TBX19: variants seen among roughly 807,000 people sequenced by gnomAD.
The protein encoded by TBX19 is T-box transcription factor 19.
TBX19 carries 33 observed loss-of-function variants against 40.9 expected under a neutral mutation model. The observed-to-expected ratio is 0.81, with a 90% CI of 0.61 to 1.08. The LOEUF (loss-of-function observed/expected upper bound fraction) is 1.08. Ranked by LOEUF, TBX19 falls within the 50% of genes least tolerant of loss-of-function variation. The pLI, the probability that TBX19 is intolerant of heterozygous loss-of-function variation, is 0.00. For missense variants in TBX19, 494 were observed against 574.0 expected (o/e 0.86, Z 1.42); for synonymous variants, 220 against 225.0 (o/e 0.98, Z 0.20).
At chr1:168,282,401 C>T (rs1294190754) in intron 1 of TBX19, among the ~76,000 whole-genome samples, 7 of 152,130 alleles carry the variant, frequency 4.6e-5, no homozygotes, top group Non-Finnish European at 1.0e-4. Context: ...TGTTACATGG[C>T]ATTAAAATGC....
rs1558191079 is a variant in TBX19 at position 168,293,288 on chromosome 1, T to A, written c.603+10T>A. On this transcript the variant is annotated intron_variant, in intron 3 of 7. Transcript: ENST00000367821. ...CTATCAGAATGAGGAGGTAAGAGTG[T>A]GTGTGTGTGTGTGTGTGTGTGTGTG... 7 of 1,293,748 alleles carry A rather than the reference T, an allele frequency of 5.4e-6. No individual in the cohort carries two copies. The highest frequency in any genetic ancestry group is 1.3e-5 in the South Asian group (1 of 76,560). 80.1% of individuals were successfully genotyped at this position (1,293,748 alleles called of 1,614,324 possible).
Position 168,308,843 on chromosome 1 carries a change from C to T in TBX19, c.1018C>T (p.Pro340Ser), listed in dbSNP as rs1319474666. 1.9e-6 allele frequency: 3 copies of T among 1,614,022 alleles called. No individual in the cohort carries two copies. The highest frequency in any genetic ancestry group is 1.1e-5 in the South Asian group (1 of 91,080). Residue 340 changes from proline to serine, a missense_variant, in exon 7 of 8, where the codon CCC (proline) becomes TCC (serine). By Grantham distance (74) the Pro-to-Ser change is moderately conservative. This residue lies in a region of TBX19 where 284 missense variants were observed against 307.3 expected (regional missense o/e 0.92). Transcript: ENST00000367821. ...ACCCCATGCCAGCATCCTGTCTGTA[C>T]CCCACACCAACGGACCAATCAATCC... ...STPHASILSV[P>S]HTNGPINPGP...
rs111697318 is a variant in TBX19, at chr1:168,291,437, C to T, written c.468+13C>T. On this transcript the variant is annotated intron_variant, in intron 2 of 7. Coordinates refer to ENST00000367821, the MANE Select transcript of TBX19 (RefSeq NM_005149.3). ...TGGAGGCGGGCAGGTACGAATGAGG[C>T]GGGCAGGCCTGGCCACCCGCTCCGG... 1,678 of 1,614,124 alleles carry T rather than the reference C, an allele frequency of 1.0e-3. 13 individuals carry two copies. The African/African-American group carries it at 0.019, about 18-fold the overall frequency.
chr1:168,304,893 G>A (rs1195348155), intron 5 of TBX19, 115 bp from the exon 6 acceptor site: 2 of 1,077,868 alleles, frequency 1.9e-6, no homozygotes, highest in East Asian at 4.8e-5. Context: ...CCATCACACA[G>A]GCTGGCATCA....
chr1:168,305,600 G>C (rs1649387216), intron 6 of TBX19, among the ~76,000 whole-genome samples: 1 of 152,124 alleles, frequency 6.6e-6, no homozygotes, highest in African/African-American at 2.4e-5. Context: ...AGGGAATACT[G>C]GGTCTAGCAT....
Position 168,280,882 on chromosome 1 carries a change from G to A in TBX19, c.-209G>A, listed in dbSNP as rs1225395382. Reference sequence around the variant, plus strand: ...CCTACCTCTCCCCTGCCTCCACCCCGCTCCCCAACTAAAGCTTAACAGGTT... The same window carrying A: ...CCTACCTCTCCCCTGCCTCCACCCCACTCCCCAACTAAAGCTTAACAGGTT... On this transcript the variant is annotated 5_prime_UTR_variant, in exon 1 of 8. Coordinates refer to ENST00000367821, the MANE Select transcript of TBX19 (RefSeq NM_005149.3). Among the ~76,000 whole-genome samples the A allele has an allele frequency of 5.3e-5, 8 of 152,046 alleles. No individual in the cohort carries two copies. Among genetic ancestry groups the A allele is most frequent in the Non-Finnish European group, 8.8e-5 (6 of 67,998 alleles).
intron 5 of TBX19, among the ~76,000 whole-genome samples, chr1:168,302,983 CT>C (rs1363697848): frequency 6.6e-6 from 1 of 152,126 alleles, no homozygotes; most frequent in Non-Finnish European, 1.5e-5. Context: ...CCTGAAGCAC[CT>C]TAACTTTGCA....
chr1:168,287,066 T>C (rs1338488010), intron 1 of TBX19, among the ~76,000 whole-genome samples: 1 of 152,246 alleles, frequency 6.6e-6, no homozygotes, highest in African/African-American at 2.4e-5. Flanking sequence ...GGAAAGCCAT[T>C]ACACATTTTC....
intron 4 of TBX19, among the ~76,000 whole-genome samples, chr1:168,299,323 G>T (rs1649220116): frequency 6.6e-6 from 1 of 152,046 alleles, no homozygotes; most frequent in Admixed American, 6.6e-5. Context: ...TTAATGTTCA[G>T]ATTTTATTGC....
chr1:168,284,002 G>A (rs375168716), intron 1 of TBX19, among the ~76,000 whole-genome samples: 42 of 152,310 alleles, frequency 2.8e-4, no homozygotes, highest in African/African-American at 1.0e-3. Context: ...ATCAGAAGCT[G>A]TAAAGAGAAA....
At chr1:168,292,371 A>G (rs1648962043) in intron 2 of TBX19, among the ~76,000 whole-genome samples, 1 of 152,250 alleles carries the variant, frequency 6.6e-6, no homozygotes, top group South Asian at 2.1e-4. Flanking sequence ...GAGAGAGTGT[A>G]GCCATCAGAT....
At chr1:168,310,787 TA>T (rs1439780593) in intron 7 of TBX19, among the ~76,000 whole-genome samples, 139 of 146,508 alleles carry the variant, frequency 9.5e-4, no homozygotes, top group African/African-American at 3.3e-3. Flanking sequence ...ATAATTTGTA[TA>T]AAAATATATA....
chr1:168,299,032 G>A (rs558443657), intron 4 of TBX19, among the ~76,000 whole-genome samples: 1 of 149,054 alleles, frequency 6.7e-6, no homozygotes, highest in African/African-American at 2.5e-5. Context: ...TCATGTCTCA[G>A]CCTCCCTAGT....
intron 1 of TBX19, among the ~76,000 whole-genome samples, chr1:168,282,509 T>A (rs1227713835): frequency 6.6e-6 from 1 of 152,228 alleles, no homozygotes; most frequent in African/African-American, 2.4e-5. Context: ...TTATATTTTC[T>A]TTCTCAAAAT....
intron 5 of TBX19, 78 bp downstream of exon 5, chr1:168,300,561 C>A: frequency 2.3e-6 from 3 of 1,327,888 alleles, no homozygotes; most frequent in Non-Finnish European, 3.2e-6. Context: ...AGACTCTTTG[C>A]CTGTCAGGAC....
chr1:168,302,203 G>A (rs759347738), intron 5 of TBX19, among the ~76,000 whole-genome samples: 27 of 152,162 alleles, frequency 1.8e-4, no homozygotes, highest in Non-Finnish European at 3.4e-4. Context: ...CCCGCTGGGT[G>A]CATGAATCTT....
intron 1 of TBX19, among the ~76,000 whole-genome samples, chr1:168,287,978 A>G (rs1572473603): frequency 6.6e-6 from 1 of 152,178 alleles, no homozygotes; most frequent in Non-Finnish European, 1.5e-5. Context: ...AATTGGCATA[A>G]TAACCTCCTT....
At chr1:168,308,662 T>C (rs1649459338) in intron 6 of TBX19, 80 bp from the exon 7 acceptor site, 1 of 1,559,870 alleles carries the variant, frequency 6.4e-7, no homozygotes, top group African/African-American at 1.4e-5. Flanking sequence ...GGTTATATTT[T>C]GCCCTAGGAT....
chr1:168,282,485 A>G lies in TBX19; in HGVS notation c.203+1192A>G, dbSNP rs550424563. The stretch of plus-strand genomic sequence containing the variant: ...GATTATACCAGTAGCAGGAATATCA[A>G]CCTTGCTTGATTTTTATATTTTCTT... On this transcript the variant is annotated intron_variant, in intron 1 of 7. Transcript: ENST00000367821. Among the ~76,000 whole-genome samples, 10 of 152,270 alleles carry G rather than the reference A, an allele frequency of 6.6e-5. 1 individual carries two copies. In the South Asian group the frequency reaches 8.3e-4, roughly 13 times the overall value.
Sources: allele counts gnomAD v4.1 joint callset (sites outside exome capture counted in the v4.1 genomes callset), GRCh38; gene constraint gnomAD v4.1.1; regional missense constraint gnomAD v4.1.1; transcripts MANE v1.5; gene names NCBI Gene and HGNC (gene_info 2026-07-23, HGNC 2026-07-21).